PPP2R5A: variants seen among roughly 807,000 people sequenced by gnomAD.
PPP2R5A encodes the protein protein phosphatase 2 regulatory subunit B'alpha.
PPP2R5A carries 25 observed loss-of-function variants against 64.2 expected under a neutral mutation model. The observed-to-expected ratio is 0.39, with a 90% CI of 0.28 to 0.54. PPP2R5A has a LOEUF of 0.54. PPP2R5A is among the 20% of genes least tolerant of loss of function. The pLI, the probability that PPP2R5A is intolerant of heterozygous loss-of-function variation, is 0.67. For synonymous variants in PPP2R5A, 198 were observed against 201.2 expected, an observed-to-expected ratio of 0.98 and a Z score of 0.13; for missense variants, 425 against 576.3, an observed-to-expected ratio of 0.74 and a Z score of 2.69.
At chr1:212,356,895 A>G (rs771896299) in intron 9 of PPP2R5A, 55 bp from the exon 10 acceptor site, 36 of 1,408,088 alleles carry the variant, frequency 2.6e-5, no homozygotes, top group African/African-American at 4.4e-5. Flanking sequence ...TATGGTTTCT[A>G]TATTAGTTTC....
chr1:212,352,361 A>AC (rs1659901496), intron 8 of PPP2R5A, among the ~76,000 whole-genome samples: 2 of 151,388 alleles, frequency 1.3e-5, no homozygotes, highest in South Asian at 4.2e-4. Context: ...CCACTAGTCA[A>AC]CCCAGTGTTC....
chr1:212,329,423 A>C, intron 2 of PPP2R5A, 92 bp downstream of exon 2: 1 of 1,113,566 alleles, frequency 9.0e-7, no homozygotes, highest in Non-Finnish European at 1.2e-6. Context: ...TAAATGTACA[A>C]TAATTAATAC....
chr1:212,321,190 G>T (rs1659280019), intron 1 of PPP2R5A, among the ~76,000 whole-genome samples: 1 of 147,052 alleles, frequency 6.8e-6, no homozygotes, highest in Admixed American at 6.6e-5. Context: ...CCAGGCGGGG[G>T]GCTGACCCCC....
intron 1 of PPP2R5A, among the ~76,000 whole-genome samples, chr1:212,310,067 G>A (rs1270284393): frequency 6.6e-6 from 1 of 152,192 alleles, no homozygotes; most frequent in East Asian, 1.9e-4. Context: ...GGCACCTTGG[G>A]ATGACAGTGG....
chr1:212,357,308 T>C (rs750019132), intron 11 of PPP2R5A, 24 bp downstream of exon 11: 2 of 1,504,746 alleles, frequency 1.3e-6, no homozygotes, highest in Non-Finnish European at 1.8e-6. Context: ...ATATAGGTCG[T>C]ATTTTTTTCT....
At chr1:212,289,841 C>T (rs1042543979) in intron 1 of PPP2R5A, among the ~76,000 whole-genome samples, 2 of 152,062 alleles carry the variant, frequency 1.3e-5, no homozygotes, top group African/African-American at 2.4e-5. Context: ...TATTTATAAT[C>T]AGTTTTCAGA....
intron 1 of PPP2R5A, chr1:212,319,279 T>G (rs1253061734): frequency 1.3e-5 from 2 of 152,252 alleles, no homozygotes; most frequent in Non-Finnish European, 2.9e-5. Flanking sequence ...CTATAAGGTG[T>G]TGTGAATTTT....
At chr1:212,299,793 A>G (rs995808183) in intron 1 of PPP2R5A, among the ~76,000 whole-genome samples, 1 of 151,786 alleles carries the variant, frequency 6.6e-6, no homozygotes, top group African/African-American at 2.4e-5. Context: ...TTATTTCCCC[A>G]GTCATATTGC....
intron 1 of PPP2R5A, among the ~76,000 whole-genome samples, chr1:212,313,185 T>G (rs1324976428): frequency 6.6e-6 from 1 of 152,192 alleles, no homozygotes; most frequent in Non-Finnish European, 1.5e-5. Flanking sequence ...GGGGCTTTGT[T>G]TTCCTTCCCA....
chr1:212,318,246 G>A (rs1379931295), intron 1 of PPP2R5A, among the ~76,000 whole-genome samples: 1 of 151,718 alleles, frequency 6.6e-6, no homozygotes, highest in Non-Finnish European at 1.5e-5. Context: ...ACATCTTTTA[G>A]TCAAATTTAA....
intron 7 of PPP2R5A, among the ~76,000 whole-genome samples, chr1:212,348,710 T>A (rs1290414489): frequency 6.6e-6 from 1 of 152,236 alleles, no homozygotes; most frequent in African/African-American, 2.4e-5. Flanking sequence ...CAGTTTAAGA[T>A]ACACACTTTC....
intron 8 of PPP2R5A, among the ~76,000 whole-genome samples, chr1:212,349,582 C>T (rs542631745): frequency 6.6e-5 from 10 of 152,220 alleles, no homozygotes; most frequent in African/African-American, 2.4e-4. Context: ...TTAAAGCATA[C>T]TTCGAGGGTC....
rs571159028 is a variant in PPP2R5A, at chr1:212,328,929, T to A, written c.182-206T>A. 7.2e-4 allele frequency among the ~76,000 whole-genome samples: 110 copies of A among 152,148 alleles called. 1 individual carries two copies. In the East Asian group the frequency reaches 7.5e-3, roughly 10 times the overall value. ...GCAAGACCATATTTCTTTAAAAAAA[T>A]TTTTTTAATGATTGATTGTGAGTAA... On this transcript the variant is annotated intron_variant, in intron 1 of 12. Transcript: ENST00000261461.
intron 1 of PPP2R5A, 77 bp downstream of exon 1, chr1:212,286,368 C>G: frequency 7.3e-7 from 1 of 1,371,812 alleles, no homozygotes; most frequent in South Asian, 1.6e-5. Flanking sequence ...AGAGCCATTT[C>G]CTGCTGGGTT....
chr1:212,321,441 G>C (rs1403039260), intron 1 of PPP2R5A, among the ~76,000 whole-genome samples: 4 of 151,148 alleles, frequency 2.6e-5, no homozygotes, highest in Admixed American at 2.0e-4. Flanking sequence ...CGGAGTGGCT[G>C]CCGGGCGGAG....
intron 12 of PPP2R5A, among the ~76,000 whole-genome samples, chr1:212,360,431 G>C (rs1660059320): frequency 6.6e-6 from 1 of 152,180 alleles, no homozygotes; most frequent in Non-Finnish European, 1.5e-5. Flanking sequence ...GTAACGTCTA[G>C]CTGGTACAGG....
chr1:212,317,880 G>T (rs1659188278), intron 1 of PPP2R5A, among the ~76,000 whole-genome samples: 1 of 151,992 alleles, frequency 6.6e-6, no homozygotes, highest in Non-Finnish European at 1.5e-5. Context: ...CAGCTACTTG[G>T]GAGGCTGAGG....
At chr1:212,343,114 ATTT>A (rs56845610) in intron 4 of PPP2R5A, among the ~76,000 whole-genome samples, 1 of 149,256 alleles carries the variant, frequency 6.7e-6, no homozygotes, top group Non-Finnish European at 1.5e-5. Flanking sequence ...TGCCCGGCTG[ATTT>A]TTTTTTTCTA....
At chr1:212,290,591 A>G (rs1228782707) in intron 1 of PPP2R5A, among the ~76,000 whole-genome samples, 1 of 152,248 alleles carries the variant, frequency 6.6e-6, no homozygotes, top group Admixed American at 6.5e-5. Context: ...TAGTCCTCAC[A>G]TAAAGGAAAA....
Sources: allele counts gnomAD v4.1 joint callset (sites outside exome capture counted in the v4.1 genomes callset), GRCh38; gene constraint gnomAD v4.1.1; transcripts MANE v1.5; gene names NCBI Gene and HGNC (gene_info 2026-07-23, HGNC 2026-07-21).